WDR7: variants seen among roughly 807,000 people sequenced by gnomAD.
The protein encoded by WDR7 is WD repeat domain 7.
WDR7 carries 46 observed loss-of-function variants against 169.4 expected under a neutral mutation model. That is an observed-to-expected ratio of 0.27 (90% confidence interval 0.21 to 0.35). WDR7 has a LOEUF of 0.35. Ranked by LOEUF, WDR7 falls within the 10% of genes least tolerant of loss-of-function variation. WDR7 has a pLI of 1.00. For missense variants in WDR7, 1,534 were observed against 1,859.3 expected, an observed-to-expected ratio of 0.83 and a Z score of 3.22; for synonymous variants, 612 against 666.8, an observed-to-expected ratio of 0.92 and a Z score of 1.27.
intron 12 of WDR7, among the ~76,000 whole-genome samples, chr18:56,700,373 C>T (rs143238448): frequency 6.8e-6 from 1 of 147,402 alleles, no homozygotes; most frequent in African/African-American, 2.5e-5. Flanking sequence ...TCTCCTGCCT[C>T]AGTCACCCAT....
rs187585429 is a variant in WDR7 at position 56,752,087 on chromosome 18, A to G, written c.1990-4496A>G. Among the ~76,000 whole-genome samples the G allele has an allele frequency of 2.6e-3, 395 of 152,300 alleles. 2 individuals are homozygous for G. The highest frequency in any genetic ancestry group is 5.0e-3 in the Admixed American group (76 of 15,298). On this transcript the variant is annotated intron_variant, in intron 14 of 27. Coordinates refer to ENST00000254442, the MANE Select transcript of WDR7 (RefSeq NM_015285.3). ...CAACAGTTCTCAAACTTTACTGCAT[A>G]AAGTAGTCTGGGGTGCTCATTAGAT...
At chr18:56,968,639 A>G (rs1485522746) in intron 26 of WDR7, among the ~76,000 whole-genome samples, 3 of 152,182 alleles carry the variant, frequency 2.0e-5, no homozygotes, top group Admixed American at 1.3e-4. Context: ...TCTAACTCTA[A>G]TCCCGTATAG....
intron 25 of WDR7, among the ~76,000 whole-genome samples, chr18:56,954,430 C>T (rs1226938321): frequency 3.3e-5 from 5 of 151,724 alleles, no homozygotes; most frequent in African/African-American, 1.2e-4. Context: ...AAGATGTTAG[C>T]AAAAGAGAAA....
intron 14 of WDR7, among the ~76,000 whole-genome samples, chr18:56,752,966 G>C (rs2043819895): frequency 6.6e-6 from 1 of 152,158 alleles, no homozygotes; most frequent in South Asian, 2.1e-4. Flanking sequence ...GGTTTGATTT[G>C]GCAGAAGTTA....
At chr18:56,695,367 G>A (rs1455124040) in intron 11 of WDR7, among the ~76,000 whole-genome samples, 169 bp downstream of exon 11, 1 of 152,056 alleles carries the variant, frequency 6.6e-6, no homozygotes, top group African/African-American at 2.4e-5. Flanking sequence ...TTCAGTGCCT[G>A]TTATTAGAAT....
Position 56,691,728 on chromosome 18 carries a change from A to G in WDR7, c.877A>G (p.Ser293Gly), listed in dbSNP as rs754230092. The change falls in exon 9 of 28, where the codon AGT becomes GGT. Residue 293 changes from serine to glycine, a missense_variant. By Grantham distance (56) the Ser-to-Gly change is moderately conservative (BLOSUM62 0). Coordinates refer to ENST00000254442, the MANE Select transcript of WDR7 (RefSeq NM_015285.3). ...YKLPASCLPA[S>G]DSFRSDVGKA... ...TCCCATATTCAGTTGCCTTCCAGCTAGTGATTCATTCCGCAGTGATGTGGG... is the reference window on the plus strand; with the variant it reads ...TCCCATATTCAGTTGCCTTCCAGCTGGTGATTCATTCCGCAGTGATGTGGG... 8.1e-6 allele frequency: 13 copies of G among 1,609,998 alleles called. No individual in the cohort carries two copies. The South Asian group carries it at 1.2e-4, about 15-fold the overall frequency.
At chr18:56,769,064 C>G (rs2044111750) in intron 16 of WDR7, among the ~76,000 whole-genome samples, 1 of 152,050 alleles carries the variant, frequency 6.6e-6, no homozygotes, top group Non-Finnish European at 1.5e-5. Context: ...TGTCACTTGT[C>G]TACTTTTTTT....
intron 13 of WDR7, among the ~76,000 whole-genome samples, chr18:56,726,127 C>T (rs2026447743): frequency 6.6e-6 from 1 of 152,124 alleles, no homozygotes; most frequent in South Asian, 2.1e-4. Flanking sequence ...ATTGACTTGG[C>T]AATGCAGGCT....
chr18:56,709,755 G>A (rs1342717374), intron 12 of WDR7, among the ~76,000 whole-genome samples: 1 of 151,918 alleles, frequency 6.6e-6, no homozygotes, highest in Non-Finnish European at 1.5e-5. Context: ...TTATTGATTT[G>A]CATAATTTAT....
intron 2 of WDR7, among the ~76,000 whole-genome samples, chr18:56,676,284 T>C (rs1390181166): frequency 2.0e-5 from 3 of 152,184 alleles, no homozygotes; most frequent in Non-Finnish European, 4.4e-5. Flanking sequence ...GTGTTTCTTG[T>C]AGGCAAGAGA....
chr18:56,657,687 C>T (rs1035254142), intron 1 of WDR7, among the ~76,000 whole-genome samples: 3 of 152,118 alleles, frequency 2.0e-5, no homozygotes, highest in South Asian at 2.1e-4. Context: ...CCATATGGTT[C>T]GTTTGTCTTT....
chr18:56,719,464 A>C (rs945808939), intron 13 of WDR7, among the ~76,000 whole-genome samples: 4 of 150,664 alleles, frequency 2.7e-5, no homozygotes, highest in Admixed American at 6.6e-5. Flanking sequence ...TGGGAGGCTG[A>C]GGCAGGAGAA....
At chr18:56,875,466 C>T (rs2046009842) in intron 20 of WDR7, among the ~76,000 whole-genome samples, 1 of 152,132 alleles carries the variant, frequency 6.6e-6, no homozygotes, top group African/African-American at 2.4e-5. Flanking sequence ...GTTTAAAACC[C>T]ATCTTGCATA....
At chr18:56,775,764 A>T (rs1238553180) in intron 16 of WDR7, among the ~76,000 whole-genome samples, 1 of 152,148 alleles carries the variant, frequency 6.6e-6, no homozygotes, top group African/African-American at 2.4e-5. Context: ...TTCGTGTGGA[A>T]ATTATGAAAA....
chr18:56,876,420 A>C (rs1266449993), intron 20 of WDR7, among the ~76,000 whole-genome samples: 2 of 152,142 alleles, frequency 1.3e-5, no homozygotes, highest in Non-Finnish European at 2.9e-5. Flanking sequence ...CAAAGAGAAA[A>C]CCAAAGAGAC....
intron 20 of WDR7, among the ~76,000 whole-genome samples, chr18:56,878,043 C>A (rs1207925090): frequency 6.6e-6 from 1 of 151,988 alleles, no homozygotes. Flanking sequence ...TAATGGTAGA[C>A]TATTTTTAGA....
At position 56,681,489 on chromosome 18, in the gene WDR7, G is replaced by C. The variant is rs1598957446; in HGVS notation, c.345+98G>C. ...GAGCCTATATTTTTATATGAAAAAT[G>C]GTGGGTGGTAGTAACAAGACAAGAA... On this transcript the variant is annotated intron_variant, in intron 4 of 27. Transcript: ENST00000254442. 2.4e-5 allele frequency: 18 copies of C among 753,424 alleles called. No individual in the cohort carries two copies. The East Asian group carries it at 5.8e-4, about 24-fold the overall frequency. The allele number at this position is 753,424 out of a possible 1,614,324, so 46.7% of individuals were successfully genotyped here. A position where few individuals can be genotyped will look rare whatever the true frequency, so the allele number is the denominator to read the frequency against.
At chr18:56,850,945 C>T (rs928671227) in intron 20 of WDR7, among the ~76,000 whole-genome samples, 1 of 152,136 alleles carries the variant, frequency 6.6e-6, no homozygotes, top group Admixed American at 6.6e-5. Context: ...CCTCACTGCT[C>T]CCAAATCTAG....
intron 19 of WDR7, among the ~76,000 whole-genome samples, chr18:56,793,361 C>T (rs1295083992): frequency 1.3e-5 from 2 of 152,178 alleles, no homozygotes; most frequent in Non-Finnish European, 2.9e-5. Context: ...TGACAAACCT[C>T]TATAATCACT....
Sources: allele counts gnomAD v4.1 joint callset (sites outside exome capture counted in the v4.1 genomes callset), GRCh38; gene constraint gnomAD v4.1.1; transcripts MANE v1.5; gene names NCBI Gene and HGNC (gene_info 2026-07-23, HGNC 2026-07-21).